SNX24: variants seen among roughly 807,000 people sequenced by gnomAD.
SNX24 encodes sorting nexin 24, also known as sorting nexin-24.
In SNX24, 22 loss-of-function variants were observed where a neutral mutation model predicts 28.7. The observed-to-expected ratio is 0.77, with a 90% CI of 0.55 to 1.10. The LOEUF is 1.10. Among genes scored for constraint, SNX24 ranks in the 50% least tolerant of loss-of-function variants. The pLI, the probability that SNX24 is intolerant of heterozygous loss-of-function variation, is 0.00. For synonymous variants in SNX24, 69 were observed against 71.5 expected (o/e 0.96, Z 0.18); for missense variants, 221 against 201.1 (o/e 1.10, Z -0.60).
At chr5:122,881,602 A>C (rs1277140423) in intron 1 of SNX24, among the ~76,000 whole-genome samples, 1 of 152,008 alleles carries the variant, frequency 6.6e-6, no homozygotes, top group Non-Finnish European at 1.5e-5. Context: ...AGCGTGCTTG[A>C]CTCTGGGCAG....
rs186839941 is a variant in SNX24 at position 122,977,258 on chromosome 5, C to T, written c.250-22654C>T. On this transcript the variant is annotated intron_variant, in intron 3 of 6. Transcript: ENST00000261369. ...GCTGTGGTCTTAAATGCTTTTTCATCGGAACAGGGGACCCATAATACCTGC... is the reference window on the plus strand; with the variant it reads ...GCTGTGGTCTTAAATGCTTTTTCATTGGAACAGGGGACCCATAATACCTGC... 3.3e-3 allele frequency among the ~76,000 whole-genome samples: 495 copies of T among 152,120 alleles called. 11 individuals carry two copies. The highest frequency in any genetic ancestry group is 0.027 in the Admixed American group (408 of 15,274).
At chr5:122,871,375 G>A (rs1339111710) in intron 1 of SNX24, among the ~76,000 whole-genome samples, 1 of 152,184 alleles carries the variant, frequency 6.6e-6, no homozygotes, top group Non-Finnish European at 1.5e-5. Flanking sequence ...TAGCATAAAG[G>A]AGAAGCATCA....
chr5:122,900,091 A>T (rs1757368003), intron 1 of SNX24, among the ~76,000 whole-genome samples: 1 of 151,618 alleles, frequency 6.6e-6, no homozygotes, highest in Admixed American at 6.6e-5. Flanking sequence ...GTGGTCAGGG[A>T]TCACTGCTGC....
At chr5:122,924,528 T>A (rs1758592160) in intron 1 of SNX24, among the ~76,000 whole-genome samples, 1 of 152,160 alleles carries the variant, frequency 6.6e-6, no homozygotes, top group Non-Finnish European at 1.5e-5. Context: ...AGTGTGCAAT[T>A]TAAAACCTAC....
At chr5:122,979,814 C>T (rs3776182) in intron 3 of SNX24, among the ~76,000 whole-genome samples, 5,842 of 152,330 alleles carry the variant, frequency 0.038, 183 homozygotes, top group East Asian at 0.097. Context: ...ACAAGTTGTG[C>T]TGACAGCCCA....
At chr5:123,000,448 G>C (rs1762209019) in intron 4 of SNX24, among the ~76,000 whole-genome samples, 1 of 152,196 alleles carries the variant, frequency 6.6e-6, no homozygotes, top group Admixed American at 6.5e-5. Context: ...AGCAAACAGA[G>C]ACACAGGAAT....
chr5:122,939,328 A>C (rs1759335856), intron 2 of SNX24, among the ~76,000 whole-genome samples: 1 of 152,150 alleles, frequency 6.6e-6, no homozygotes, highest in African/African-American at 2.4e-5. Flanking sequence ...GCCTTGTTTT[A>C]ATAGGTGTTT....
In SNX24 at chr5:122,989,754, T is replaced by C. The variant is rs192174752; in HGVS notation, c.250-10158T>C. On this transcript the variant is annotated intron_variant, in intron 3 of 6. Coordinates refer to ENST00000261369, the MANE Select transcript of SNX24 (RefSeq NM_014035.4). ...CTCCCAGAAAAGGGTATATTCATTC[T>C]TGTGTATAGGTCCCTGAACAAATGT... 3.3e-3 allele frequency among the ~76,000 whole-genome samples: 508 copies of C among 152,340 alleles called. 4 individuals are homozygous for C. The highest frequency in any genetic ancestry group is 0.012 in the African/African-American group (484 of 41,574).
intron 1 of SNX24, among the ~76,000 whole-genome samples, chr5:122,882,416 T>A (rs1003246005): frequency 1.3e-5 from 2 of 152,126 alleles, no homozygotes; most frequent in African/African-American, 4.8e-5. Context: ...ACTTGGAGAG[T>A]TGTGTAAAAT....
intron 1 of SNX24, among the ~76,000 whole-genome samples, chr5:122,903,834 A>T (rs1442608920): frequency 6.6e-6 from 1 of 152,166 alleles, no homozygotes; most frequent in Admixed American, 6.5e-5. Context: ...TTTATGATGT[A>T]ACAAAGCCCT....
At chr5:122,977,932 T>G (rs1419791994) in intron 3 of SNX24, among the ~76,000 whole-genome samples, 2 of 152,344 alleles carry the variant, frequency 1.3e-5, no homozygotes, top group East Asian at 1.9e-4. Context: ...AATTTTAGTC[T>G]CAGCCAAATA....
intron 1 of SNX24, among the ~76,000 whole-genome samples, chr5:122,896,360 T>G (rs1387932070): frequency 6.6e-6 from 1 of 152,200 alleles, no homozygotes; most frequent in East Asian, 1.9e-4. Context: ...TTGCATATCC[T>G]CTTCTTAAGG....
chr5:122,880,680 C>A (rs375939060), intron 1 of SNX24, among the ~76,000 whole-genome samples: 3 of 152,106 alleles, frequency 2.0e-5, no homozygotes, highest in Non-Finnish European at 4.4e-5. Context: ...AAATAGAAGC[C>A]GACCTTGCTT....
intron 2 of SNX24, among the ~76,000 whole-genome samples, chr5:122,942,850 A>G (rs30035): frequency 0.77 from 117,086 of 152,166 alleles, 45,930 homozygotes; most frequent in East Asian, 0.99. Context: ...TCACCTACAA[A>G]TGCTGTCATG....
At chr5:122,990,287 C>T (rs1191810459) in intron 3 of SNX24, among the ~76,000 whole-genome samples, 3 of 152,164 alleles carry the variant, frequency 2.0e-5, no homozygotes, top group Non-Finnish European at 4.4e-5. Context: ...ATTACTGTAG[C>T]ATTTAAACAG....
intron 1 of SNX24, among the ~76,000 whole-genome samples, chr5:122,916,890 C>G (rs1424327261): frequency 6.6e-6 from 1 of 152,256 alleles, no homozygotes; most frequent in Admixed American, 6.5e-5. Context: ...CTAGACTGTT[C>G]AGAAAACTTC....
At chr5:122,914,335 A>G (rs1463041558) in intron 1 of SNX24, among the ~76,000 whole-genome samples, 1 of 152,204 alleles carries the variant, frequency 6.6e-6, no homozygotes, top group Non-Finnish European at 1.5e-5. Flanking sequence ...AATGTTCATC[A>G]AGGATATTGG....
At chr5:122,905,153 T>A (rs775438342) in intron 1 of SNX24, among the ~76,000 whole-genome samples, 4 of 152,198 alleles carry the variant, frequency 2.6e-5, no homozygotes, top group Non-Finnish European at 4.4e-5. Context: ...ATATTTGACT[T>A]CACAGGTTTT....
At chr5:122,901,469 A>G (rs766787334) in intron 1 of SNX24, among the ~76,000 whole-genome samples, 3 of 152,196 alleles carry the variant, frequency 2.0e-5, no homozygotes, top group Non-Finnish European at 4.4e-5. Flanking sequence ...ACACAAAGAT[A>G]TAATAAATAT....
Sources: gnomAD v4.1 joint callset for allele counts (sites outside exome capture counted in the v4.1 genomes callset) on GRCh38, gnomAD v4.1.1 for gene constraint, MANE v1.5 for transcripts, NCBI Gene and HGNC (gene_info 2026-07-23, HGNC 2026-07-21) for gene names.